GNAQ: variants seen among roughly 807,000 people sequenced by gnomAD.
GNAQ encodes G protein subunit alpha q, also known as guanine nucleotide-binding protein G(q) subunit alpha.
GNAQ carries 8 observed loss-of-function variants against 43.9 expected under a neutral mutation model. The ratio of observed to expected loss-of-function variants is 0.18; its 90% CI spans 0.11 to 0.33. The LOEUF is 0.33. Ranked by LOEUF, GNAQ falls within the 10% of genes least tolerant of loss-of-function variation. The pLI is 1.00. For missense variants in GNAQ, 158 were observed against 450.8 expected (o/e 0.35, Z 5.88); for synonymous variants, 155 against 170.7 (o/e 0.91, Z 0.71).
chr9:77,866,195 A>T (rs1398795486), intron 2 of GNAQ, among the ~76,000 whole-genome samples: 1 of 152,174 alleles, frequency 6.6e-6, no homozygotes, highest in Non-Finnish European at 1.5e-5. Context: ...ACAAAAATTT[A>T]GGCCGGGTGT....
At chr9:77,950,815 A>C (rs1822964627) in intron 1 of GNAQ, among the ~76,000 whole-genome samples, 1 of 152,222 alleles carries the variant, frequency 6.6e-6, no homozygotes, top group African/African-American at 2.4e-5. Context: ...TAGAAAGCAG[A>C]AACACATAAA....
At chr9:77,785,703 G>A (rs1826466101) in intron 5 of GNAQ, among the ~76,000 whole-genome samples, 1 of 152,148 alleles carries the variant, frequency 6.6e-6, no homozygotes, top group African/African-American at 2.4e-5. Context: ...GTTCCTGTCA[G>A]TTAACTGATC....
At chr9:77,917,702 TATCA>T (rs1828933661) in intron 2 of GNAQ, among the ~76,000 whole-genome samples, 2 of 152,186 alleles carry the variant, frequency 1.3e-5, no homozygotes, top group Admixed American at 1.3e-4. Context: ...TATCACTAGT[TATCA>T]ATATTTGTGT....
At chr9:77,848,059 A>C (rs1489207834) in intron 2 of GNAQ, among the ~76,000 whole-genome samples, 1 of 152,184 alleles carries the variant, frequency 6.6e-6, no homozygotes, top group Non-Finnish European at 1.5e-5. Context: ...ACCTCAGACA[A>C]ATCACATAAG....
intron 2 of GNAQ, among the ~76,000 whole-genome samples, chr9:77,831,515 C>T (rs541795844): frequency 6.6e-6 from 1 of 152,142 alleles, no homozygotes; most frequent in Non-Finnish European, 1.5e-5. Context: ...ATTGGTATGA[C>T]TGTATTTATA....
intron 1 of GNAQ, among the ~76,000 whole-genome samples, chr9:77,990,781 T>A (rs758512231): frequency 6.6e-6 from 1 of 152,218 alleles, no homozygotes; most frequent in African/African-American, 2.4e-5. Context: ...AATGCTTTCA[T>A]GAAAGTAGAG....
At chr9:77,892,155 C>T (rs1355703230) in intron 2 of GNAQ, among the ~76,000 whole-genome samples, 1 of 152,108 alleles carries the variant, frequency 6.6e-6, no homozygotes, top group East Asian at 1.9e-4. Context: ...TAAATCTAGC[C>T]TAGTGCATGG....
At chr9:77,756,703 CTT>C (rs1199305380) in intron 5 of GNAQ, among the ~76,000 whole-genome samples, 3 of 152,164 alleles carry the variant, frequency 2.0e-5, no homozygotes, top group Non-Finnish European at 4.4e-5. Context: ...TTTCAGGACT[CTT>C]TGTTATAGCA....
chr9:77,872,903 G>A (rs1163963103), intron 2 of GNAQ, among the ~76,000 whole-genome samples: 1 of 152,198 alleles, frequency 6.6e-6, no homozygotes, highest in Admixed American at 6.5e-5. Flanking sequence ...CAATTTGAAA[G>A]GAAAAACAGA....
At chr9:77,797,730 G>A (rs2118457597) in intron 3 of GNAQ, 82 bp from the exon 4 acceptor site, 1 of 1,238,466 alleles carries the variant, frequency 8.1e-7, no homozygotes, top group Admixed American at 2.0e-5. Context: ...ACAAAAATGA[G>A]TCCTAACAGA....
chr9:78,028,799 C>T (rs1290131679), intron 1 of GNAQ, among the ~76,000 whole-genome samples: 1 of 152,134 alleles, frequency 6.6e-6, no homozygotes, highest in Non-Finnish European at 1.5e-5. Flanking sequence ...TTGAAATCAA[C>T]CGTCCTGGAT....
chr9:78,028,491 G>A (rs568967137), intron 1 of GNAQ, among the ~76,000 whole-genome samples: 11 of 152,236 alleles, frequency 7.2e-5, no homozygotes, highest in African/African-American at 2.6e-4. Context: ...ATGAGCAAAT[G>A]CAAGGGTACC....
At chr9:77,849,594 C>T (rs887655381) in intron 2 of GNAQ, among the ~76,000 whole-genome samples, 1 of 152,184 alleles carries the variant, frequency 6.6e-6, no homozygotes, top group African/African-American at 2.4e-5. Flanking sequence ...TTCCCCCATC[C>T]TGTTGTAATC....
At chr9:77,936,571 G>C (rs1223746045) in intron 1 of GNAQ, among the ~76,000 whole-genome samples, 1 of 152,138 alleles carries the variant, frequency 6.6e-6, no homozygotes, top group East Asian at 1.9e-4. Flanking sequence ...TTGCTTACTT[G>C]AACCAGTAAG....
At chr9:77,728,904 A>C (rs749758828) in intron 5 of GNAQ, among the ~76,000 whole-genome samples, 11 of 152,218 alleles carry the variant, frequency 7.2e-5, no homozygotes, top group Admixed American at 2.0e-4. Context: ...AAAATCAGCT[A>C]AAATAGCTCT....
chr9:78,009,916 C>G (rs1823753383), intron 1 of GNAQ, among the ~76,000 whole-genome samples: 1 of 152,138 alleles, frequency 6.6e-6, no homozygotes, highest in African/African-American at 2.4e-5. Flanking sequence ...ACAGGACTAG[C>G]AGTGCAATGC....
rs577960322 is a variant in GNAQ at position 78,002,802 on chromosome 9, C to T, written c.136+28298G>A. 1.7e-3 allele frequency among the ~76,000 whole-genome samples: 256 copies of T among 152,240 alleles called. 1 individual carries two copies. The highest frequency in any genetic ancestry group is 5.8e-3 in the African/African-American group (243 of 41,544). ...AACTGTCATTGAATATCCCTTAATA[C>T]TTACAATTGGTTTTCTATCATCATA... On this transcript the variant is annotated intron_variant, in intron 1 of 6. Transcript: ENST00000286548.
At chr9:77,944,621 T>C (rs1402028031) in intron 1 of GNAQ, among the ~76,000 whole-genome samples, 1 of 152,208 alleles carries the variant, frequency 6.6e-6, no homozygotes, top group Admixed American at 6.5e-5. Flanking sequence ...TTTCTTCCAC[T>C]GAGGCATTGC....
chr9:77,722,821 T>A (rs1173844420), intron 6 of GNAQ, among the ~76,000 whole-genome samples: 1 of 152,048 alleles, frequency 6.6e-6, no homozygotes, highest in Non-Finnish European at 1.5e-5. Flanking sequence ...CCTGGCTAAT[T>A]TTTAAACTTT....
Sources: allele counts gnomAD v4.1 joint callset (sites outside exome capture counted in the v4.1 genomes callset), GRCh38; gene constraint gnomAD v4.1.1; transcripts MANE v1.5; gene names NCBI Gene and HGNC (gene_info 2026-07-23, HGNC 2026-07-21).